PDE1C: variants seen among roughly 807,000 people sequenced by gnomAD.
The protein encoded by PDE1C is phosphodiesterase 1C, also known as dual specificity calcium/calmodulin-dependent 3',5'-cyclic nucleotide phosphodiesterase 1C.
PDE1C carries 62 observed loss-of-function variants against 93.1 expected under a neutral mutation model. The ratio of observed to expected loss-of-function variants is 0.67; its 90% CI spans 0.54 to 0.82. The LOEUF (loss-of-function observed/expected upper bound fraction) is 0.82, where lower values mean the gene tolerates loss of function less well. Among genes scored for constraint, PDE1C ranks in the 40% least tolerant of loss-of-function variants. The pLI, the probability that PDE1C is intolerant of heterozygous loss-of-function variation, is 0.00. For missense variants in PDE1C, 742 were observed against 884.6 expected, an observed-to-expected ratio of 0.84 and a Z score of 2.04; for synonymous variants, 325 against 310.1, an observed-to-expected ratio of 1.05 and a Z score of -0.50.
intron 2 of PDE1C, among the ~76,000 whole-genome samples, chr7:32,206,020 C>G (rs1042852079): frequency 2.6e-5 from 4 of 152,176 alleles, no homozygotes; most frequent in Admixed American, 6.5e-5. Context: ...GAAACCGATT[C>G]TAGACGCAGT....
intron 1 of PDE1C, among the ~76,000 whole-genome samples, chr7:32,059,484 G>T (rs1794536404): frequency 6.6e-6 from 1 of 152,118 alleles, no homozygotes; most frequent in Admixed American, 6.5e-5. Flanking sequence ...TCCTCCCAAA[G>T]CAAGCCCCAC....
intron 1 of PDE1C, among the ~76,000 whole-genome samples, chr7:32,238,450 T>A (rs1197109850): frequency 6.6e-6 from 1 of 152,270 alleles, no homozygotes; most frequent in Admixed American, 6.5e-5. Context: ...TTGTAAAGCA[T>A]TTAGAACAGT....
intron 2 of PDE1C, among the ~76,000 whole-genome samples, chr7:32,209,276 A>G (rs933092046): frequency 2.0e-5 from 3 of 152,220 alleles, no homozygotes; most frequent in Non-Finnish European, 4.4e-5. Context: ...TTAGAGCACA[A>G]TTTGGAAACC....
At chr7:32,319,553 G>A (rs1428778333) in intron 1 of PDE1C, among the ~76,000 whole-genome samples, 1 of 152,226 alleles carries the variant, frequency 6.6e-6, no homozygotes, top group Admixed American at 6.5e-5. Context: ...TGGTCTAGGG[G>A]AGGCAAAACG....
chr7:31,971,891 C>T (rs535059851), intron 2 of PDE1C, among the ~76,000 whole-genome samples: 57 of 152,338 alleles, frequency 3.7e-4, no homozygotes, highest in African/African-American at 1.3e-3. Flanking sequence ...CCTCTCCTTG[C>T]ACCTCCAGGA....
At chr7:31,653,177 G>A in the PDE1C span, 3 of 236,800 alleles carry the variant, frequency 1.3e-5, no homozygotes, top group Non-Finnish European at 1.6e-5. Context: ...TTTTGCCAAG[G>A]TTAAGGATAC....
At chr7:32,093,422 C>G (rs1372546413) in intron 3 of PDE1C, among the ~76,000 whole-genome samples, 3 of 152,248 alleles carry the variant, frequency 2.0e-5, no homozygotes, top group Admixed American at 2.0e-4. Flanking sequence ...GCATCTCCTG[C>G]TTTGGTCATT....
chr7:32,326,462 G>A (rs959977836), intron 1 of PDE1C, among the ~76,000 whole-genome samples: 1 of 152,192 alleles, frequency 6.6e-6, no homozygotes, highest in African/African-American at 2.4e-5. Flanking sequence ...CTGCTAAGGA[G>A]GCTGTACAGG....
intron 13 of PDE1C, among the ~76,000 whole-genome samples, chr7:31,824,139 C>T (rs748615473): frequency 1.3e-5 from 2 of 152,088 alleles, no homozygotes; most frequent in Non-Finnish European, 2.9e-5. Context: ...TTCTCTTCTT[C>T]CTCCTTTATG....
intron 2 of PDE1C, among the ~76,000 whole-genome samples, chr7:31,927,665 G>T (rs769327576): frequency 6.6e-6 from 1 of 152,196 alleles, no homozygotes; most frequent in Admixed American, 6.5e-5. Context: ...AGGGTCTGGA[G>T]TGGACCTCCA....
At chr7:32,195,602 AG>A (rs1442812430) in intron 2 of PDE1C, among the ~76,000 whole-genome samples, 1 of 152,174 alleles carries the variant, frequency 6.6e-6, no homozygotes, top group African/African-American at 2.4e-5. Flanking sequence ...CTGTAATCCC[AG>A]CACTTTGGGA....
intron 1 of PDE1C, among the ~76,000 whole-genome samples, chr7:32,262,640 A>G (rs926290165): frequency 7.2e-5 from 11 of 152,190 alleles, no homozygotes; most frequent in African/African-American, 2.2e-4. Context: ...ATGGTACCCA[A>G]TGTAAACCAG....
chr7:31,825,658 A>C (rs2128743385), intron 12 of PDE1C, among the ~76,000 whole-genome samples: 1 of 152,298 alleles, frequency 6.6e-6, no homozygotes, highest in East Asian at 1.9e-4. Context: ...GAGAAGGATG[A>C]GAAAATCATT....
exon 3 of PDE1C, chr7:32,169,913 C>T: frequency 6.2e-7 from 1 of 1,612,604 alleles, no homozygotes; most frequent in East Asian, 2.2e-5. Context: ...TCCCTGTGAG[C>T]CCATCGATGA....
At chr7:31,802,283 T>A (rs1786151751) in intron 16 of PDE1C, among the ~76,000 whole-genome samples, 1 of 151,542 alleles carries the variant, frequency 6.6e-6, no homozygotes, top group African/African-American at 2.4e-5. Context: ...GCTCTTAATT[T>A]ACCTCAATCC....
At chr7:32,399,581 C>CTTTCTT (rs1554317523) in intron 1 of PDE1C, among the ~76,000 whole-genome samples, 2 of 117,566 alleles carry the variant, frequency 1.7e-5, no homozygotes, top group African/African-American at 6.6e-5. Context: ...CTTCATTTAA[C>CTTTCTT]TTTTTTTTTT....
At chr7:32,425,106 CATT>C (rs1785502462) in intron 1 of PDE1C, among the ~76,000 whole-genome samples, 1 of 151,574 alleles carries the variant, frequency 6.6e-6, no homozygotes, top group South Asian at 2.1e-4. Context: ...TACACACAGA[CATT>C]ATATTATATT....
intron 1 of PDE1C, among the ~76,000 whole-genome samples, chr7:32,357,198 G>T (rs978898154): frequency 3.3e-5 from 5 of 152,148 alleles, no homozygotes; most frequent in African/African-American, 1.2e-4. Flanking sequence ...GCCGGGCATG[G>T]TGGCAGGTGC....
chr7:32,150,419 C>G (rs1236090268), intron 3 of PDE1C, among the ~76,000 whole-genome samples: 1 of 152,150 alleles, frequency 6.6e-6, no homozygotes, highest in Non-Finnish European at 1.5e-5. Flanking sequence ...AAGGAGCATC[C>G]CAGCCTCCCT....
Sources: gnomAD v4.1 joint callset for allele counts (sites outside exome capture counted in the v4.1 genomes callset) on GRCh38, gnomAD v4.1.1 for gene constraint, MANE v1.5 for transcripts, NCBI Gene and HGNC (gene_info 2026-07-23, HGNC 2026-07-21) for gene names.